SVIL: variants seen among roughly 807,000 people sequenced by gnomAD.
SVIL encodes the protein supervillin, also known as archvillin.
Under a neutral mutation model 240.4 loss-of-function variants are expected in SVIL, and 101 were observed. That is an observed-to-expected ratio of 0.42 (90% CI 0.36 to 0.50). The LOEUF (loss-of-function observed/expected upper bound fraction) is 0.50, where lower values mean the gene tolerates loss of function less well. Among genes scored for constraint, SVIL ranks in the 20% least tolerant of loss-of-function variants. The pLI is 0.01. For missense variants in SVIL, 2,512 were observed against 2,818.7 expected (o/e 0.89, Z 2.46); for synonymous variants, 999 against 1,100.0 (o/e 0.91, Z 1.82).
At chr10:29,726,400 T>C (rs1589586853) in intron 1 of SVIL, among the ~76,000 whole-genome samples, 1 of 152,202 alleles carries the variant, frequency 6.6e-6, no homozygotes, top group South Asian at 2.1e-4. Flanking sequence ...CTACTACTTA[T>C]TGTCATACCT....
At position 29,729,833 on chromosome 10, in the gene SVIL, C is replaced by CA. The variant is rs71023507; in HGVS notation, c.-400+5917dup. 6.0e-3 allele frequency among the ~76,000 whole-genome samples: 195 copies of CA among 32,508 alleles called. 8 individuals are homozygous for CA. Among genetic ancestry groups the CA allele is most frequent in the African/African-American group, 8.7e-3 (63 of 7,278 alleles). 21.3% of individuals were successfully genotyped at this position (32,508 alleles called of 152,430 possible). A position where few individuals can be genotyped will look rare whatever the true frequency, so the allele number is the denominator to read the frequency against. On this transcript the variant is annotated intron_variant, in intron 1 of 35. Coordinates refer to the SVIL transcript ENST00000375400. ...TGGGTGGCAGAGTGAGACTCCATCT[C>CA]AAAAAAAAAAAAAAAAAAAAAAAAA...
At chr10:29,610,842 C>T (rs1000614316) in intron 1 of SVIL, among the ~76,000 whole-genome samples, 2 of 152,170 alleles carry the variant, frequency 1.3e-5, no homozygotes, top group Non-Finnish European at 2.9e-5. Flanking sequence ...CCTGGCTCCT[C>T]ATTTCCTGTA....
intron 2 of SVIL, among the ~76,000 whole-genome samples, chr10:29,662,646 A>ACACAT (rs1383656232): frequency 6.6e-5 from 10 of 152,260 alleles, no homozygotes; most frequent in African/African-American, 1.9e-4. Flanking sequence ...CCAGAAGCAA[A>ACACAT]CACATGGATG....
At chr10:29,593,000 G>T (rs1241732854) in intron 1 of SVIL, among the ~76,000 whole-genome samples, 2 of 152,070 alleles carry the variant, frequency 1.3e-5, no homozygotes, top group Admixed American at 6.6e-5. Context: ...TTAAACAGAA[G>T]CAGGACTTTG....
intron 1 of SVIL, among the ~76,000 whole-genome samples, chr10:29,598,743 G>A (rs1454034813): frequency 6.6e-6 from 1 of 152,318 alleles, no homozygotes; most frequent in South Asian, 2.1e-4. Context: ...GCATCAAAGG[G>A]CCTCCATTCC....
intron 3 of SVIL, among the ~76,000 whole-genome samples, chr10:29,655,890 T>TTTC (rs1376302422): frequency 1.4e-5 from 2 of 143,316 alleles, no homozygotes; most frequent in Non-Finnish European, 3.1e-5. Context: ...TTTTTTTTTT[T>TTTC]CTGTTTCTTT....
chr10:29,667,695 T>C (rs1959422555), intron 2 of SVIL, among the ~76,000 whole-genome samples: 1 of 151,608 alleles, frequency 6.6e-6, no homozygotes, highest in Non-Finnish European at 1.5e-5. Flanking sequence ...CTACAAAGAA[T>C]AAAAATAAGC....
chr10:29,675,404 TGAGGCTGG>T (rs913981138), intron 2 of SVIL, among the ~76,000 whole-genome samples: 5 of 152,196 alleles, frequency 3.3e-5, no homozygotes, highest in African/African-American at 1.2e-4. Context: ...CTCAGGAGAC[TGAGGCTGG>T]AGGATCATTT....
rs191040697 is a variant in SVIL, at chr10:29,532,872, G to A, written c.1495C>T (p.Pro499Ser). The A allele has an allele frequency of 5.6e-5, 91 of 1,614,144 alleles. No homozygotes were observed. In the East Asian group the frequency reaches 1.5e-3, roughly 26 times the overall value. ...HQKELENVAQ[P>S]PQAPHQPTER... ...GTGGGCTGGTGCGGAGCTTGAGGGG[G>A]TTGTGCCACGTTTTCCAGTTCCTTC... The change falls in exon 8 of 38, where the codon CCC (proline) becomes TCC (serine). Residue 499 changes from proline (P) to serine (S), a missense_variant. By Grantham distance (74) the Pro-to-Ser change is moderately conservative. Coordinates refer to ENST00000355867, the MANE Select transcript of SVIL (RefSeq NM_021738.3).
chr10:29,511,757 T>G (rs9919448), intron 17 of SVIL, among the ~76,000 whole-genome samples: 4,214 of 152,290 alleles, frequency 0.028, 192 homozygotes, highest in African/African-American at 0.094. Flanking sequence ...AAATTGCCAT[T>G]CCAGTGAAAC....
rs747356125 is a variant in SVIL, at chr10:29,550,586, T to G, written c.827+11A>C. On this transcript the variant is annotated intron_variant, in intron 6 of 37. Transcript: ENST00000355867. ...TGCGTTCAGGGTGCTTAGCGTGGAC[T>G]GGATGCTTACCTGGGTCGGGCCTCA... 5 of 1,596,440 alleles carry G rather than the reference T, an allele frequency of 3.1e-6. No individual in the cohort carries two copies. The African/African-American group carries it at 6.7e-5, about 21-fold the overall frequency.
chr10:29,647,985 A>C (rs1210717455), intron 3 of SVIL, among the ~76,000 whole-genome samples: 5 of 147,574 alleles, frequency 3.4e-5, no homozygotes, highest in East Asian at 2.0e-4. Flanking sequence ...AAAAAAAAAA[A>C]CAAAAAAAAT....
At chr10:29,712,947 C>G (rs1318412133) in intron 1 of SVIL, among the ~76,000 whole-genome samples, 4 of 152,098 alleles carry the variant, frequency 2.6e-5, no homozygotes, top group African/African-American at 9.7e-5. Context: ...GAGGCTGAGG[C>G]AGGTGGATCA....
chr10:29,645,539 C>T (rs1461769527), intron 3 of SVIL, among the ~76,000 whole-genome samples: 1 of 152,138 alleles, frequency 6.6e-6, no homozygotes, highest in Non-Finnish European at 1.5e-5. Flanking sequence ...CACTGAACTC[C>T]AGCCTGGGCG....
At chr10:29,568,765 A>T in intron 2 of SVIL, among the ~76,000 whole-genome samples, 1 of 151,418 alleles carries the variant, frequency 6.6e-6, no homozygotes, top group African/African-American at 2.4e-5. Context: ...GGGAAGAATA[A>T]CTCACATGGA....
chr10:29,596,290 G>T (rs555485904), intron 1 of SVIL, among the ~76,000 whole-genome samples: 1 of 152,290 alleles, frequency 6.6e-6, no homozygotes, highest in African/African-American at 2.4e-5. Flanking sequence ...AAGCAAGATA[G>T]TGAGACCCCG....
In SVIL at chr10:29,625,473, C is replaced by CT. The variant is rs933545745; in HGVS notation, c.-201+8946dup. ...TATACATATATATATATTTTTTTTC[C>CT]TTTTTTTTGAGACGGAGTCTCACTC... On this transcript the variant is annotated intron_variant, in intron 1 of 37. Coordinates refer to ENST00000355867, the MANE Select transcript of SVIL (RefSeq NM_021738.3). Among the ~76,000 whole-genome samples the CT allele has an allele frequency of 2.2e-4, 33 of 151,054 alleles. No homozygotes were observed. In the South Asian group the frequency reaches 4.0e-3, roughly 18 times the overall value.
At chr10:29,527,218 AGC>A (rs1420802638) in intron 12 of SVIL, among the ~76,000 whole-genome samples, 162 bp from the exon 13 acceptor site, 4 of 152,222 alleles carry the variant, frequency 2.6e-5, no homozygotes, top group African/African-American at 9.6e-5. Context: ...GAACTTCAAA[AGC>A]AAATACAAAC....
chr10:29,734,887 T>A (rs184188000), intron 1 of SVIL, among the ~76,000 whole-genome samples: 164 of 152,240 alleles, frequency 1.1e-3, no homozygotes, highest in African/African-American at 3.3e-3. Context: ...GGGCTGGGGA[T>A]GGCGGACAGG....
Sources: gnomAD v4.1 joint callset for allele counts (sites outside exome capture counted in the v4.1 genomes callset) on GRCh38, gnomAD v4.1.1 for gene constraint, MANE v1.5 for transcripts, NCBI Gene and HGNC (gene_info 2026-07-23, HGNC 2026-07-21) for gene names.